Variants in PYM1 observed in about 807,000 individuals in gnomAD.
PYM1 encodes PYM1 exon junction complex associated factor.
PYM1 carries 7 observed loss-of-function variants against 20.7 expected under a neutral mutation model. The ratio of observed to expected loss-of-function variants is 0.34; its 90% CI spans 0.19 to 0.64. The LOEUF (loss-of-function observed/expected upper bound fraction) is 0.64, where lower values mean the gene tolerates loss of function less well. PYM1 is among the 30% of genes least tolerant of loss of function. PYM1 has a pLI of 0.74. For missense variants in PYM1, 194 were observed against 250.0 expected (o/e 0.78, Z 1.51); for synonymous variants, 100 against 99.2 (o/e 1.01, Z -0.05).
In PYM1 at chr12:55,927,766, G is replaced by T; in HGVS notation, c.-5C>A. 1.3e-6 allele frequency: 2 copies of T among 1,538,908 alleles called. No individual in the cohort carries two copies. The highest frequency in any genetic ancestry group is 8.7e-7 in the Non-Finnish European group (1 of 1,146,294). Reference sequence around the variant, plus strand: ...AGGGCTGCCGGCAGCTTCCATGGCCGAAGAGGCAGCGGACCAGGTTGGGCG... The same window carrying T: ...AGGGCTGCCGGCAGCTTCCATGGCCTAAGAGGCAGCGGACCAGGTTGGGCG... On this transcript the variant is annotated 5_prime_UTR_variant, in exon 1 of 3. Coordinates refer to ENST00000408946, the MANE Select transcript of PYM1 (RefSeq NM_032345.3).
intron 1 of PYM1, chr12:55,927,277 TTAA>T (rs1162942421): frequency 5.8e-6 from 6 of 1,028,828 alleles, no homozygotes; most frequent in Non-Finnish European, 8.9e-6. Flanking sequence ...GCTGAAATAG[TTAA>T]TAAAATAAAG....
intron 1 of PYM1, among the ~76,000 whole-genome samples, chr12:55,912,461 G>A (rs1307465484): frequency 6.6e-6 from 1 of 152,222 alleles, no homozygotes; most frequent in African/African-American, 2.4e-5. Flanking sequence ...GCTCACGCCT[G>A]TAATCCCAGC....
intron 1 of PYM1, among the ~76,000 whole-genome samples, chr12:55,908,523 G>T (rs1882865207): frequency 6.6e-6 from 1 of 151,882 alleles, no homozygotes; most frequent in Non-Finnish European, 1.5e-5. Context: ...ACATGAATTG[G>T]TTTTTTGTTC....
At chr12:55,910,888 T>C (rs984663032) in intron 1 of PYM1, among the ~76,000 whole-genome samples, 1 of 152,092 alleles carries the variant, frequency 6.6e-6, no homozygotes, top group Non-Finnish European at 1.5e-5. Flanking sequence ...ATTGGTTGAG[T>C]TTGTCTAAAG....
chr12:55,926,988 G>A (rs1883201203), intron 1 of PYM1: 3 of 1,377,288 alleles, frequency 2.2e-6, no homozygotes, highest in Admixed American at 5.8e-5. Flanking sequence ...GAGGGGCCCC[G>A]GGATGGGCGG....
chr12:55,906,976 G>A (rs1031138034), intron 1 of PYM1, among the ~76,000 whole-genome samples: 3 of 151,732 alleles, frequency 2.0e-5, no homozygotes, highest in African/African-American at 7.3e-5. Flanking sequence ...TTGGAGTAAA[G>A]GGCAACACTT....
chr12:55,927,308 C>A, intron 1 of PYM1: 2 of 822,886 alleles, frequency 2.4e-6, no homozygotes, highest in Non-Finnish European at 4.1e-6. Flanking sequence ...CTTTTTACTG[C>A]CACCGATACC....
At chr12:55,904,365 G>C (rs1314645413) in intron 1 of PYM1, among the ~76,000 whole-genome samples, 1 of 150,556 alleles carries the variant, frequency 6.6e-6, no homozygotes, top group Non-Finnish European at 1.5e-5. Flanking sequence ...AGGCCGAGGG[G>C]GTTGAATCAC....
chr12:55,921,419 G>A (rs1883095967), intron 1 of PYM1, among the ~76,000 whole-genome samples: 1 of 152,034 alleles, frequency 6.6e-6, no homozygotes, highest in South Asian at 2.1e-4. Flanking sequence ...AAGGGTAACA[G>A]CAGTAGGAAT....
Position 55,927,776 on chromosome 12 carries a change from C to A in PYM1, c.-15G>T, listed in dbSNP as rs774522356. 6.5e-7 allele frequency: 1 copy of A among 1,538,088 alleles called. No homozygotes were observed. Among genetic ancestry groups the A allele is most frequent in the Non-Finnish European group, 8.7e-7 (1 of 1,145,984 alleles). On this transcript the variant is annotated 5_prime_UTR_variant, in exon 1 of 3. Transcript: ENST00000408946. ...GCAGCTTCCATGGCCGAAGAGGCAG[C>A]GGACCAGGTTGGGCGGGCGGCCCTG...
chr12:55,902,058 G>A lies in PYM1; in HGVS notation c.429C>T (p.Asp143=). 6.2e-7 allele frequency: 1 copy of A among 1,614,118 alleles called. No homozygotes were observed. Among genetic ancestry groups the A allele is most frequent in the Non-Finnish European group, 8.5e-7 (1 of 1,180,028 alleles). ...AAPTAASDQP[D]SAATTEKAKK... is the part of the protein sequence containing the mutation. ...TGGCTTTCTCAGTGGTGGCAGCTGA[G>A]TCAGGCTGGTCAGATGCAGCTGTGG... The change falls in exon 3 of 3, where the codon GAC becomes GAT. Residue 143 remains aspartate, a synonymous_variant. Transcript: ENST00000408946.
chr12:55,926,681 G>A (rs1489805871), intron 1 of PYM1, among the ~76,000 whole-genome samples: 1 of 152,128 alleles, frequency 6.6e-6, no homozygotes, highest in African/African-American at 2.4e-5. Flanking sequence ...GACTGGGGTA[G>A]GGCAGAAACC....
At chr12:55,927,445 C>CCACCTG in intron 1 of PYM1, 1 of 696,920 alleles carries the variant, frequency 1.4e-6, no homozygotes. Context: ...GGCGCAAGGC[C>CCACCTG]CACCTGCACC....
At position 55,902,170 on chromosome 12, in the gene PYM1, G is replaced by C; in HGVS notation, c.317C>G (p.Ala106Gly). Residue 106 changes from alanine (A) to glycine (G), a missense_variant, in exon 3 of 3, where the codon GCA (alanine) becomes GGA (glycine). By Grantham distance (60) the Ala-to-Gly change is moderately conservative. Coordinates refer to ENST00000408946, the MANE Select transcript of PYM1 (RefSeq NM_032345.3). ...ATCAAGAGTCCTGCTCAAGGCCTCT[G>C]CCTCTCCTTTCTCTTGCTGCTGCCG... ...KRRQQQEKGE[A>G]EALSRTLDKV... 1 of 1,614,090 alleles carries C rather than the reference G, an allele frequency of 6.2e-7. No individual in the cohort carries two copies. The highest frequency in any genetic ancestry group is 8.5e-7 in the Non-Finnish European group (1 of 1,180,024).
chr12:55,917,741 C>A (rs112878911), intron 1 of PYM1, among the ~76,000 whole-genome samples: 2 of 152,016 alleles, frequency 1.3e-5, no homozygotes, highest in African/African-American at 4.8e-5. Context: ...CTAGATGGAT[C>A]GCCTGAGGTC....
chr12:55,921,770 G>A (rs1883101522), intron 1 of PYM1, among the ~76,000 whole-genome samples: 1 of 152,006 alleles, frequency 6.6e-6, no homozygotes, highest in African/African-American at 2.4e-5. Flanking sequence ...AAATAAAATA[G>A]TATTGGATTA....
intron 1 of PYM1, chr12:55,927,294 T>C (rs1368824331): frequency 1.2e-5 from 11 of 942,254 alleles, no homozygotes; most frequent in African/African-American, 1.6e-5. Flanking sequence ...AATAAAGCCG[T>C]GGGCTTTTTA....
At chr12:55,908,785 G>A (rs2136260479) in intron 1 of PYM1, among the ~76,000 whole-genome samples, 1 of 152,154 alleles carries the variant, frequency 6.6e-6, no homozygotes, top group African/African-American at 2.4e-5. Flanking sequence ...CCAGGAGGCG[G>A]AGGCTGCAGT....
Position 55,901,777 on chromosome 12 carries a change from G to A in PYM1, c.*95C>T. On this transcript the variant is annotated 3_prime_UTR_variant, in exon 3 of 3. Transcript: ENST00000408946. ...AGGAGGTGGAAGTAAGCCAGTATGGGGGGTACCCCTCCTGACTGCTGTTGC... is the reference window on the plus strand; with the variant it reads ...AGGAGGTGGAAGTAAGCCAGTATGGAGGGTACCCCTCCTGACTGCTGTTGC... The A allele has an allele frequency of 6.0e-6, 9 of 1,500,594 alleles. No individual in the cohort carries two copies. The highest frequency in any genetic ancestry group is 7.1e-6 in the Non-Finnish European group (8 of 1,125,826). 93.0% of individuals were successfully genotyped at this position (1,500,594 alleles called of 1,614,324 possible).
Sources: allele counts gnomAD v4.1 joint callset (sites outside exome capture counted in the v4.1 genomes callset), GRCh38; gene constraint gnomAD v4.1.1; transcripts MANE v1.5; gene names NCBI Gene and HGNC (gene_info 2026-07-23, HGNC 2026-07-21).